Variants in ATRNL1 observed in about 807,000 individuals in gnomAD.
ATRNL1 encodes attractin like 1, also known as attractin-like protein 1.
A neutral mutation model predicts 182.7 loss-of-function variants in ATRNL1; 95 were observed. The observed-to-expected ratio is 0.52, with a 90% CI of 0.44 to 0.62. The LOEUF is 0.62. ATRNL1 is among the 20% of genes least tolerant of loss of function. ATRNL1 has a pLI of 0.00. For synonymous variants in ATRNL1, 576 were observed against 568.3 expected (o/e 1.01, Z -0.19); for missense variants, 1,471 against 1,679.5 (o/e 0.88, Z 2.17).
intron 25 of ATRNL1, among the ~76,000 whole-genome samples, chr10:115,540,057 A>G (rs1476415190): frequency 1.3e-5 from 2 of 151,964 alleles, no homozygotes; most frequent in Non-Finnish European, 2.9e-5. Flanking sequence ...GCAGCACACC[A>G]ACATGGCACA....
intron 26 of ATRNL1, among the ~76,000 whole-genome samples, chr10:115,595,747 A>G (rs888979021): frequency 6.6e-6 from 1 of 150,832 alleles, no homozygotes; most frequent in Admixed American, 6.6e-5. Flanking sequence ...TATTTTATGG[A>G]TTGATTATTA....
chr10:115,296,998 G>A (rs1279491808), intron 15 of ATRNL1, among the ~76,000 whole-genome samples: 4 of 152,110 alleles, frequency 2.6e-5, no homozygotes, highest in African/African-American at 9.7e-5. Flanking sequence ...GAAGATAAAG[G>A]GTAGGCATCT....
At chr10:115,568,228 A>G (rs1555002476) in intron 26 of ATRNL1, among the ~76,000 whole-genome samples, 1 of 152,100 alleles carries the variant, frequency 6.6e-6, no homozygotes, top group African/African-American at 2.4e-5. Context: ...TATTTCAGCT[A>G]GAGGAAAAAG....
chr10:115,196,853 A>G (rs781886070), intron 8 of ATRNL1, among the ~76,000 whole-genome samples: 3 of 152,060 alleles, frequency 2.0e-5, no homozygotes, highest in African/African-American at 2.4e-5. Flanking sequence ...GGTAATAAAC[A>G]TTGTTTTACT....
At chr10:115,763,980 T>A (rs1029521240) in intron 27 of ATRNL1, among the ~76,000 whole-genome samples, 17 of 152,306 alleles carry the variant, frequency 1.1e-4, no homozygotes, top group South Asian at 2.1e-4. Flanking sequence ...AGCCACCTAC[T>A]TGCCTTCCTA....
chr10:115,881,414 G>A (rs1487465001), intron 28 of ATRNL1, among the ~76,000 whole-genome samples: 4 of 152,136 alleles, frequency 2.6e-5, no homozygotes, highest in African/African-American at 4.8e-5. Context: ...TGTTTCTGCC[G>A]GATGGTGATG....
intron 26 of ATRNL1, among the ~76,000 whole-genome samples, chr10:115,643,802 C>A (rs1555031318): frequency 6.6e-6 from 1 of 152,050 alleles, no homozygotes; most frequent in Non-Finnish European, 1.5e-5. Context: ...CCCAAACAAA[C>A]AAACAAAAAC....
intron 26 of ATRNL1, among the ~76,000 whole-genome samples, chr10:115,589,321 T>C (rs887484498): frequency 6.6e-6 from 1 of 152,194 alleles, no homozygotes; most frequent in Non-Finnish European, 1.5e-5. Context: ...TTAATTACTC[T>C]TTGATCAATA....
At chr10:115,349,133 T>C (rs1359936906) in intron 19 of ATRNL1, among the ~76,000 whole-genome samples, 2 of 152,214 alleles carry the variant, frequency 1.3e-5, no homozygotes, top group Non-Finnish European at 2.9e-5. Flanking sequence ...GTTCACAGCC[T>C]CTAGTAACCA....
intron 28 of ATRNL1, among the ~76,000 whole-genome samples, chr10:115,861,173 C>T (rs756438445): frequency 5.6e-4 from 86 of 152,256 alleles, no homozygotes; most frequent in Non-Finnish European, 7.4e-4. Context: ...AAGAGAATTT[C>T]GAATTCAAAG....
chr10:115,105,739 G>C (rs1554865735), intron 1 of ATRNL1, among the ~76,000 whole-genome samples: 1 of 152,260 alleles, frequency 6.6e-6, no homozygotes, highest in African/African-American at 2.4e-5. Flanking sequence ...AGCCTTGGCA[G>C]CTTCCATGTG....
intron 5 of ATRNL1, among the ~76,000 whole-genome samples, chr10:115,144,909 A>C (rs1190231547): frequency 4.4e-5 from 3 of 67,886 alleles, no homozygotes; most frequent in Non-Finnish European, 1.0e-4. Context: ...AGTACATTTT[A>C]TTAATAAAAA....
chr10:115,826,210 TTC>T (rs1457504681), intron 27 of ATRNL1, among the ~76,000 whole-genome samples: 1 of 152,164 alleles, frequency 6.6e-6, no homozygotes, highest in East Asian at 1.9e-4. Flanking sequence ...CCATTTTTTT[TTC>T]AAATCTGTTT....
chr10:115,434,776 G>A (rs1176989110), intron 21 of ATRNL1, among the ~76,000 whole-genome samples: 1 of 151,960 alleles, frequency 6.6e-6, no homozygotes, highest in Non-Finnish European at 1.5e-5. Flanking sequence ...AGAATATCCA[G>A]TTAGATTACA....
intron 27 of ATRNL1, among the ~76,000 whole-genome samples, chr10:115,744,033 T>G (rs1948219248): frequency 6.6e-6 from 1 of 152,032 alleles, no homozygotes; most frequent in Admixed American, 6.6e-5. Context: ...ATTAATGAAC[T>G]TACATAAATT....
intron 8 of ATRNL1, among the ~76,000 whole-genome samples, chr10:115,174,069 C>A (rs1266664112): frequency 6.6e-6 from 1 of 151,710 alleles, no homozygotes; most frequent in African/African-American, 2.4e-5. Flanking sequence ...GTTTTGAGAT[C>A]TGCTTCCATT....
At chr10:115,808,762 T>C (rs1235377039) in intron 27 of ATRNL1, among the ~76,000 whole-genome samples, 4 of 152,140 alleles carry the variant, frequency 2.6e-5, no homozygotes, top group Non-Finnish European at 4.4e-5. Context: ...ATTTCCCTCA[T>C]GACTTCCGAG....
intron 27 of ATRNL1, among the ~76,000 whole-genome samples, chr10:115,800,183 G>A (rs571500475): frequency 1.7e-4 from 26 of 151,052 alleles, no homozygotes; most frequent in African/African-American, 5.8e-4. Flanking sequence ...TGGCTCCATT[G>A]CACTCCAGAC....
intron 26 of ATRNL1, among the ~76,000 whole-genome samples, chr10:115,585,425 G>A (rs1310166150): frequency 1.6e-5 from 2 of 127,530 alleles, no homozygotes; most frequent in Admixed American, 8.0e-5. Context: ...TTATGAATCT[G>A]CGTGCTCCTG....
Sources: gnomAD v4.1 joint callset for allele counts (sites outside exome capture counted in the v4.1 genomes callset) on GRCh38, gnomAD v4.1.1 for gene constraint, MANE v1.5 for transcripts, NCBI Gene and HGNC (gene_info 2026-07-23, HGNC 2026-07-21) for gene names.